ASCC1: variants seen among roughly 807,000 people sequenced by gnomAD.
ASCC1 encodes activating signal cointegrator 1 complex subunit 1, also known as ASC-1 complex subunit P50.
ASCC1 carries 35 observed loss-of-function variants against 46.6 expected under a neutral mutation model. The observed-to-expected ratio is 0.75, with a 90% CI of 0.57 to 0.99. The LOEUF is 0.99. Ranked by LOEUF, ASCC1 falls within the 50% of genes least tolerant of loss-of-function variation. ASCC1 has a pLI of 0.00. For synonymous variants in ASCC1, 143 were observed against 146.6 expected, an observed-to-expected ratio of 0.98 and a Z score of 0.18; for missense variants, 376 against 428.7, an observed-to-expected ratio of 0.88 and a Z score of 1.09.
At chr10:72,108,147 GCTCACTGCAGCCTCCAC>G (rs1842565129) in intron 9 of ASCC1, among the ~76,000 whole-genome samples, 1 of 147,918 alleles carries the variant, frequency 6.8e-6, no homozygotes, top group Admixed American at 6.9e-5. Flanking sequence ...CGTGATCACA[GCTCACTGCAGCCTCCAC>G]CTCCCAGGCG....
chr10:72,132,905 T>C (rs1438383471), intron 8 of ASCC1, 152 bp downstream of exon 8: 8 of 869,610 alleles, frequency 9.2e-6, no homozygotes, highest in Non-Finnish European at 1.5e-5. Flanking sequence ...ATATATGTTC[T>C]TGCCCACCTC....
intron 5 of ASCC1, among the ~76,000 whole-genome samples, chr10:72,194,532 T>G (rs1359840408): frequency 6.6e-6 from 1 of 151,878 alleles, no homozygotes; most frequent in Non-Finnish European, 1.5e-5. Context: ...ATACTGTTTT[T>G]TCACTTCTAG....
chr10:72,124,879 T>C (rs901393580), intron 9 of ASCC1, among the ~76,000 whole-genome samples: 15 of 152,152 alleles, frequency 9.9e-5, no homozygotes, highest in African/African-American at 3.4e-4. Flanking sequence ...CATAACCAAA[T>C]ATGTTTGTTC....
intron 8 of ASCC1, among the ~76,000 whole-genome samples, chr10:72,131,351 G>A (rs555076535): frequency 6.6e-6 from 1 of 152,010 alleles, no homozygotes; most frequent in South Asian, 2.1e-4. Context: ...CCTGGGGGGC[G>A]GAGGTTGCAG....
chr10:72,212,281 C>A, intron 2 of ASCC1: 1 of 172,130 alleles, frequency 5.8e-6, no homozygotes, highest in Non-Finnish European at 1.3e-5. Flanking sequence ...CCACTGCACT[C>A]CAGCCTGGGT....
At chr10:72,098,257 C>T (rs1161313186) in intron 9 of ASCC1, among the ~76,000 whole-genome samples, 2 of 152,192 alleles carry the variant, frequency 1.3e-5, no homozygotes, top group African/African-American at 2.4e-5. Flanking sequence ...GAAAATGCAG[C>T]CATAGTGCCT....
At chr10:72,138,343 C>T (rs774190597) in intron 7 of ASCC1, among the ~76,000 whole-genome samples, 18 of 152,268 alleles carry the variant, frequency 1.2e-4, no homozygotes, top group Non-Finnish European at 1.9e-4. Flanking sequence ...GCATGAAATA[C>T]TGGAGTAAGT....
intron 5 of ASCC1, among the ~76,000 whole-genome samples, chr10:72,180,292 GAAAA>G (rs563899230): frequency 7.1e-6 from 1 of 140,828 alleles, no homozygotes; most frequent in Non-Finnish European, 1.6e-5. Context: ...AAGAAAAAAA[GAAAA>G]AAAAAAGAAC....
intron 9 of ASCC1, chr10:72,102,532 T>G: frequency 1.3e-6 from 1 of 773,540 alleles, no homozygotes; most frequent in Non-Finnish European, 2.2e-6. Context: ...ATGTTACAAG[T>G]TGCAAATACA....
chr10:72,121,502 G>C (rs1249697464), intron 9 of ASCC1, among the ~76,000 whole-genome samples: 1 of 148,116 alleles, frequency 6.8e-6, no homozygotes, highest in Non-Finnish European at 1.5e-5. Flanking sequence ...GGATGTCCCA[G>C]CATAGATGGG....
chr10:72,153,844 C>G (rs529943085), intron 6 of ASCC1, among the ~76,000 whole-genome samples: 1 of 151,438 alleles, frequency 6.6e-6, no homozygotes, highest in East Asian at 2.0e-4. Flanking sequence ...GTCTCAGCCT[C>G]CTGAGTAGCT....
chr10:72,151,573 AC>A (rs1296002477), intron 7 of ASCC1, among the ~76,000 whole-genome samples: 2 of 152,178 alleles, frequency 1.3e-5, no homozygotes, highest in Non-Finnish European at 2.9e-5. Flanking sequence ...GTGCACATGT[AC>A]CCTAGAACTT....
chr10:72,161,645 C>T lies in ASCC1; in HGVS notation c.519G>A (p.Gln173=). The T allele has an allele frequency of 3.7e-6, 6 of 1,614,116 alleles. No individual in the cohort carries two copies. The highest frequency in any genetic ancestry group is 5.1e-6 in the Non-Finnish European group (6 of 1,180,018). The change falls in exon 6 of 10, where the codon CAG becomes CAA. Residue 173 remains glutamine, a synonymous_variant. Coordinates refer to ENST00000672957, the MANE Select transcript of ASCC1 (RefSeq NM_001198800.3). ...TAGTTAGATGAAGCTTTTTAGGATT[C>T]TGGAAAATGCTGCTGTCAACCCCAT... ...MDHGVDSSIF[Q]NPKKLHLTIG... is the part of the protein sequence containing the mutation.
chr10:72,149,776 C>T (rs765971458), intron 7 of ASCC1, among the ~76,000 whole-genome samples: 5 of 152,112 alleles, frequency 3.3e-5, no homozygotes, highest in Non-Finnish European at 5.9e-5. Context: ...TTCAACCTGG[C>T]GGAAATGTTT....
chr10:72,129,626 T>C (rs1589264794), intron 8 of ASCC1, among the ~76,000 whole-genome samples: 1 of 151,470 alleles, frequency 6.6e-6, no homozygotes, highest in Admixed American at 6.6e-5. Flanking sequence ...ACCAACATGG[T>C]GAAACCCCGT....
At chr10:72,185,633 G>A (rs1853342807) in intron 5 of ASCC1, among the ~76,000 whole-genome samples, 1 of 152,162 alleles carries the variant, frequency 6.6e-6, no homozygotes, top group Non-Finnish European at 1.5e-5. Context: ...ATTAGTGGTT[G>A]CCTGGAATCA....
chr10:72,177,978 A>G (rs2132970844), intron 5 of ASCC1, among the ~76,000 whole-genome samples: 1 of 152,270 alleles, frequency 6.6e-6, no homozygotes, highest in Admixed American at 6.5e-5. Flanking sequence ...TATATAACAG[A>G]TGAACACAAA....
intron 5 of ASCC1, among the ~76,000 whole-genome samples, chr10:72,175,350 C>G (rs1021156484): frequency 1.3e-5 from 2 of 152,146 alleles, no homozygotes. Context: ...CATGACTGTG[C>G]AGCACTAGAC....
At chr10:72,101,762 G>C (rs1003616991) in intron 9 of ASCC1, among the ~76,000 whole-genome samples, 4 of 152,020 alleles carry the variant, frequency 2.6e-5, no homozygotes, top group Non-Finnish European at 4.4e-5. Flanking sequence ...GACTGGAGAA[G>C]GGAACAAGAT....
Sources: gnomAD v4.1 joint callset for allele counts (sites outside exome capture counted in the v4.1 genomes callset) on GRCh38, gnomAD v4.1.1 for gene constraint, MANE v1.5 for transcripts, NCBI Gene and HGNC (gene_info 2026-07-23, HGNC 2026-07-21) for gene names.